The following SLC6A11 variants were observed in gnomAD, a reference collection of about 807,000 sequenced individuals.
SLC6A11 encodes the protein solute carrier family 6 member 11.
Under a neutral mutation model 74.8 loss-of-function variants are expected in SLC6A11, and 25 were observed. The ratio of observed to expected loss-of-function variants is 0.33; its 90% CI spans 0.24 to 0.47. The LOEUF is 0.47. SLC6A11 is among the 20% of genes least tolerant of loss of function. The pLI is 1.00. For synonymous variants in SLC6A11, 330 were observed against 330.2 expected, an observed-to-expected ratio of 1.00 and a Z score of 0.01; for missense variants, 574 against 837.0, an observed-to-expected ratio of 0.69 and a Z score of 3.88.
intron 5 of SLC6A11, among the ~76,000 whole-genome samples, chr3:10,869,971 A>G (rs1036231261): frequency 2.6e-5 from 4 of 152,174 alleles, no homozygotes; most frequent in Admixed American, 2.6e-4. Context: ...CCTAACTCTG[A>G]GCATACCTGA....
chr3:10,903,431 CA>C (rs1559577663), intron 6 of SLC6A11, among the ~76,000 whole-genome samples: 1 of 152,196 alleles, frequency 6.6e-6, no homozygotes, highest in African/African-American at 2.4e-5. Flanking sequence ...TACCCCTCCC[CA>C]CAAGTTGCTC....
intron 4 of SLC6A11, 67 bp from the exon 5 acceptor site, chr3:10,844,147 G>A: frequency 1.3e-6 from 2 of 1,595,350 alleles, no homozygotes; most frequent in Non-Finnish European, 1.7e-6. Context: ...CTGCTCCTCT[G>A]CAGTACTAGC....
intron 4 of SLC6A11, among the ~76,000 whole-genome samples, chr3:10,838,366 G>A (rs968495581): frequency 4.6e-5 from 7 of 152,344 alleles, no homozygotes; most frequent in African/African-American, 1.7e-4. Flanking sequence ...ACAGGAGAAG[G>A]CCTGAGTGAG....
intron 6 of SLC6A11, among the ~76,000 whole-genome samples, chr3:10,901,378 C>G (rs892308023): frequency 1.3e-5 from 2 of 152,194 alleles, no homozygotes; most frequent in African/African-American, 4.8e-5. Flanking sequence ...ACAAAGGGGC[C>G]ACCGGGGTCG....
chr3:10,894,903 A>G (rs1248777661), intron 6 of SLC6A11, among the ~76,000 whole-genome samples: 4 of 152,224 alleles, frequency 2.6e-5, no homozygotes, highest in African/African-American at 7.2e-5. Flanking sequence ...CCACAAATAT[A>G]TAGAATTTTT....
At chr3:10,905,829 C>A (rs1695295587) in intron 6 of SLC6A11, among the ~76,000 whole-genome samples, 1 of 152,138 alleles carries the variant, frequency 6.6e-6, no homozygotes, top group Non-Finnish European at 1.5e-5. Flanking sequence ...CTCTGCTATG[C>A]CCAAATGAGC....
Position 10,853,955 on chromosome 3 carries a change from G to A in SLC6A11, c.756+9609G>A, listed in dbSNP as rs560956596. Among the ~76,000 whole-genome samples, 8 of 152,312 alleles carry A rather than the reference G, an allele frequency of 5.3e-5. No homozygotes were observed. In the South Asian group the frequency reaches 1.7e-3, roughly 32 times the overall value. ...ACCCTGCCAGGGCCCTGGCTTTCTT[G>A]TGTACCGTGGCCAGACTCAGCTTCC... On this transcript the variant is annotated intron_variant, in intron 5 of 13. Transcript: ENST00000254488.
intron 1 of SLC6A11, among the ~76,000 whole-genome samples, chr3:10,817,389 G>T (rs1414463564): frequency 1.3e-5 from 2 of 152,210 alleles, no homozygotes; most frequent in African/African-American, 4.8e-5. Context: ...TTTGGCAAAA[G>T]ATGCAGCAGC....
chr3:10,906,668 C>T (rs1325497433), intron 6 of SLC6A11, among the ~76,000 whole-genome samples: 6 of 152,242 alleles, frequency 3.9e-5, no homozygotes, highest in South Asian at 2.1e-4. Context: ...GTGAACACTA[C>T]GCACTAACCA....
intron 6 of SLC6A11, among the ~76,000 whole-genome samples, chr3:10,884,834 A>G (rs751886709): frequency 2.0e-5 from 3 of 152,204 alleles, no homozygotes; most frequent in Non-Finnish European, 4.4e-5. Flanking sequence ...ACTTTGGGAC[A>G]ACGTTCTACT....
chr3:10,935,057 A>G lies in SLC6A11; in HGVS notation c.1604A>G (p.Tyr535Cys), dbSNP rs1310632803. 6.2e-7 allele frequency: 1 copy of G among 1,613,708 alleles called. No individual in the cohort carries two copies. ...AGIFIFFLIK[Y>C]KPLKYNNIYT... ...ATCTTCATCTTCTTCTTGATCAAGTACAAGCCACTCAAGTACAACAACATC... is the reference window on the plus strand; with the variant it reads ...ATCTTCATCTTCTTCTTGATCAAGTGCAAGCCACTCAAGTACAACAACATC... Residue 535 changes from tyrosine to cysteine, a missense_variant, in exon 13 of 14, where the codon TAC becomes TGC. Around this residue, in one of 4 missense-constraint regions of SLC6A11, gnomAD observed 257 missense variants for 341.5 expected, o/e 0.75. Transcript: ENST00000254488.
chr3:10,822,422 T>C (rs1244056283), intron 3 of SLC6A11, among the ~76,000 whole-genome samples: 1 of 152,180 alleles, frequency 6.6e-6, no homozygotes, highest in East Asian at 1.9e-4. Flanking sequence ...GGCTGGAGTT[T>C]ATTACAGTTC....
chr3:10,899,063 G>A (rs1182689917), intron 6 of SLC6A11, among the ~76,000 whole-genome samples: 1 of 152,152 alleles, frequency 6.6e-6, no homozygotes. Flanking sequence ...ACTACCATGA[G>A]AACAGTATGA....
At chr3:10,864,076 A>G (rs935790975) in intron 5 of SLC6A11, among the ~76,000 whole-genome samples, 3 of 151,984 alleles carry the variant, frequency 2.0e-5, no homozygotes, top group Non-Finnish European at 2.9e-5. Context: ...ATTATTAGCT[A>G]TCTTCTGATC....
chr3:10,897,906 C>A (rs1479493251), intron 6 of SLC6A11, among the ~76,000 whole-genome samples: 1 of 152,238 alleles, frequency 6.6e-6, no homozygotes, highest in African/African-American at 2.4e-5. Context: ...GTCTGGACAT[C>A]CAGGCATTTC....
chr3:10,897,117 G>A (rs1695180830), intron 6 of SLC6A11, among the ~76,000 whole-genome samples: 1 of 152,052 alleles, frequency 6.6e-6, no homozygotes, highest in South Asian at 2.1e-4. Flanking sequence ...GAACAGTATG[G>A]GGGAACTGCC....
intron 4 of SLC6A11, among the ~76,000 whole-genome samples, chr3:10,830,628 G>T (rs1694282562): frequency 6.6e-6 from 1 of 152,158 alleles, no homozygotes; most frequent in Admixed American, 6.5e-5. Context: ...CTGAGGAGGT[G>T]GCATGTCAGC....
chr3:10,873,475 C>CTACCA (rs1163631997), intron 5 of SLC6A11, among the ~76,000 whole-genome samples: 2 of 117,046 alleles, frequency 1.7e-5, no homozygotes. Context: ...CTACCCTACC[C>CTACCA]TACCATACCC....
chr3:10,820,908 G>A (rs887485924), intron 3 of SLC6A11, among the ~76,000 whole-genome samples: 4 of 152,164 alleles, frequency 2.6e-5, no homozygotes, highest in African/African-American at 7.2e-5. Context: ...GCCTGCCATC[G>A]TGAGGGCTGA....
Sources: gnomAD v4.1 joint callset for allele counts (sites outside exome capture counted in the v4.1 genomes callset) on GRCh38, gnomAD v4.1.1 for gene constraint, gnomAD v4.1.1 regional missense constraint, MANE v1.5 for transcripts, NCBI Gene and HGNC (gene_info 2026-07-23, HGNC 2026-07-21) for gene names.